Variants in DIAPH2 observed in about 807,000 individuals in gnomAD.
The protein encoded by DIAPH2 is diaphanous related formin 2, also known as protein diaphanous homolog 2.
DIAPH2 carries 35 observed loss-of-function variants against 92.7 expected under a neutral mutation model. That is an observed-to-expected ratio of 0.38 (90% confidence interval 0.29 to 0.50). The LOEUF is 0.50. DIAPH2 is among the 20% of genes least tolerant of loss of function. The pLI, the probability that DIAPH2 is intolerant of heterozygous loss-of-function variation, is 0.94. For synonymous variants in DIAPH2, 301 were observed against 280.4 expected, an observed-to-expected ratio of 1.07 and a Z score of -0.73; for missense variants, 701 against 819.5, an observed-to-expected ratio of 0.86 and a Z score of 1.77.
chrX:97,036,846 G>T (rs1354248849), intron 17 of DIAPH2, among the ~76,000 whole-genome samples: 1 of 111,699 alleles, frequency 9.0e-6, no homozygotes, highest in Non-Finnish European at 1.9e-5. Flanking sequence ...CTTCAGGGAG[G>T]TGCAATAGGT....
rs755664875 is a variant in DIAPH2, at chrX:96,921,648, TC to T, written c.978+3034del. Reference sequence around the variant, plus strand: ...CACCTTCTTCCTTGAAAATTTTACTTCCCTTGACTTTCTAGGCACCATTCTC... The same window carrying T: ...CACCTTCTTCCTTGAAAATTTTACTTCCTTGACTTTCTAGGCACCATTCTC... On this transcript the variant is annotated intron_variant, in intron 9 of 26. Transcript: ENST00000324765. Among the ~76,000 whole-genome samples, 513 of 109,359 alleles carry T rather than the reference TC, an allele frequency of 4.7e-3. 5 individuals carry two copies. The highest frequency in any genetic ancestry group is 0.017 in the African/African-American group (505 of 30,231). 95.0% of individuals were successfully genotyped at this position (109,359 alleles called of 115,157 possible).
intron 23 of DIAPH2, among the ~76,000 whole-genome samples, chrX:97,257,000 TGA>T (rs756160767): frequency 6.5e-5 from 1 of 15,463 alleles, no homozygotes; most frequent in African/African-American, 1.1e-4. Flanking sequence ...AGATGAAGAC[TGA>T]AAAAAAAAAA....
intron 4 of DIAPH2, among the ~76,000 whole-genome samples, chrX:96,819,187 T>C (rs1017583392): frequency 1.8e-5 from 2 of 112,236 alleles, no homozygotes; most frequent in African/African-American, 3.2e-5. Flanking sequence ...TGCACTGTTA[T>C]TGTGTTTTTT....
rs149880156 is a variant in DIAPH2, at chrX:97,286,184, G to A, written c.2844+38345G>A. On this transcript the variant is annotated intron_variant, in intron 23 of 26. Coordinates refer to ENST00000324765, the MANE Select transcript of DIAPH2 (RefSeq NM_006729.5). ...GCCTCCCAAGTAGGATTACAGGTGG[G>A]ATTACAGGCACACACCACCATGCCC... Among the ~76,000 whole-genome samples, 823 of 107,116 alleles carry A rather than the reference G, an allele frequency of 7.7e-3. 4 individuals are homozygous for A. Among genetic ancestry groups the A allele is most frequent in the African/African-American group, 0.027 (793 of 29,366 alleles). 93.0% of individuals were successfully genotyped at this position (107,116 alleles called of 115,157 possible).
At chrX:97,365,543 G>A (rs2069371965) in intron 24 of DIAPH2, among the ~76,000 whole-genome samples, 1 of 110,529 alleles carries the variant, frequency 9.0e-6, no homozygotes, top group Admixed American at 9.7e-5. Context: ...CCTTCTACCT[G>A]GTGAAATTGT....
At chrX:97,499,588 CA>C (rs2070781208) in intron 26 of DIAPH2, among the ~76,000 whole-genome samples, 1 of 111,383 alleles carries the variant, frequency 9.0e-6, no homozygotes, top group African/African-American at 3.3e-5. Flanking sequence ...CCTGCAGTCC[CA>C]CTATTGGGCA....
intron 5 of DIAPH2, among the ~76,000 whole-genome samples, chrX:96,890,222 C>T (rs1179499978): frequency 1.8e-5 from 2 of 110,776 alleles, no homozygotes; most frequent in African/African-American, 6.6e-5. Context: ...CCTCTTTGGT[C>T]CTCAGTTTCT....
intron 9 of DIAPH2, among the ~76,000 whole-genome samples, chrX:96,925,896 G>T (rs960150852): frequency 9.0e-6 from 1 of 111,575 alleles, no homozygotes; most frequent in Non-Finnish European, 1.9e-5. Flanking sequence ...GGCTTGGAAA[G>T]TACTCCACTT....
At chrX:97,209,701 G>A (rs371819128) in intron 22 of DIAPH2, among the ~76,000 whole-genome samples, 2 of 110,472 alleles carry the variant, frequency 1.8e-5, no homozygotes, top group East Asian at 2.8e-4. Flanking sequence ...GACTTGATAT[G>A]TTTGTATGTT....
intron 17 of DIAPH2, among the ~76,000 whole-genome samples, chrX:97,068,570 T>G (rs921499691): frequency 2.7e-5 from 3 of 111,769 alleles, no homozygotes; most frequent in African/African-American, 9.7e-5. Context: ...TCATTAAACC[T>G]GTCACATGCA....
intron 17 of DIAPH2, among the ~76,000 whole-genome samples, chrX:96,974,559 G>A (rs2065948572): frequency 9.0e-6 from 1 of 111,582 alleles, no homozygotes; most frequent in Non-Finnish European, 1.9e-5. Flanking sequence ...CCATAATAAT[G>A]TCATATTACA....
In DIAPH2 at chrX:97,129,146, C is replaced by CT. The variant is rs113199689; in HGVS notation, c.2590-12516dup. 3.8e-3 allele frequency among the ~76,000 whole-genome samples: 140 copies of CT among 36,488 alleles called. 1 individual carries two copies. The highest frequency in any genetic ancestry group is 4.7e-3 in the Non-Finnish European group (105 of 22,116). 31.7% of individuals were successfully genotyped at this position (36,488 alleles called of 115,157 possible). ...CTTTTCTTTTCTTTTCTTTTCTTTT[C>CT]TTTCTTTTCTTTTCTTTTCTTTCTT... is the stretch of plus-strand genomic sequence containing the variant. On this transcript the variant is annotated intron_variant, in intron 21 of 26. Coordinates refer to ENST00000324765, the MANE Select transcript of DIAPH2 (RefSeq NM_006729.5).
At chrX:96,723,783 A>G (rs901848864) in intron 1 of DIAPH2, among the ~76,000 whole-genome samples, 1 of 111,820 alleles carries the variant, frequency 8.9e-6, no homozygotes, top group Non-Finnish European at 1.9e-5. Context: ...TAAGTTTAAC[A>G]TTATTAGCAA....
intron 5 of DIAPH2, among the ~76,000 whole-genome samples, chrX:96,901,267 C>A (rs1277221071): frequency 1.8e-5 from 2 of 109,937 alleles, no homozygotes; most frequent in Non-Finnish European, 3.8e-5. Flanking sequence ...TCATAGTAGT[C>A]TTGAATGATC....
chrX:97,518,514 G>GTA (rs562766387), intron 26 of DIAPH2, among the ~76,000 whole-genome samples: 489 of 108,397 alleles, frequency 4.5e-3, no homozygotes, highest in African/African-American at 8.7e-3. Flanking sequence ...GTGTATGTGT[G>GTA]TATATATATA....
intron 16 of DIAPH2, among the ~76,000 whole-genome samples, chrX:96,961,460 C>CA (rs35983520): frequency 1.5e-3 from 121 of 82,173 alleles, no homozygotes; most frequent in South Asian, 7.9e-3. Context: ...TTTATCTTTT[C>CA]AAAAAAAAAA....
intron 23 of DIAPH2, among the ~76,000 whole-genome samples, chrX:97,256,880 G>T (rs2068241031): frequency 9.1e-6 from 1 of 110,381 alleles, no homozygotes; most frequent in South Asian, 3.9e-4. Flanking sequence ...AGCCAGGCTG[G>T]CCTTGAACTC....
chrX:97,131,404 T>TA (rs2067137278), intron 21 of DIAPH2, among the ~76,000 whole-genome samples: 1 of 111,708 alleles, frequency 9.0e-6, no homozygotes, highest in African/African-American at 3.3e-5. Flanking sequence ...CATAAATAGC[T>TA]AAAATCACTA....
intron 22 of DIAPH2, among the ~76,000 whole-genome samples, chrX:97,243,174 G>T (rs958873483): frequency 5.4e-5 from 6 of 110,726 alleles, no homozygotes; most frequent in African/African-American, 2.0e-4. Flanking sequence ...CAACTGCACA[G>T]GTTGCATATC....
Sources: gnomAD v4.1 joint callset for allele counts (sites outside exome capture counted in the v4.1 genomes callset) on GRCh38, gnomAD v4.1.1 for gene constraint, MANE v1.5 for transcripts, NCBI Gene and HGNC (gene_info 2026-07-23, HGNC 2026-07-21) for gene names.